TRIM35: variants seen among roughly 807,000 people sequenced by gnomAD.
The protein encoded by TRIM35 is tripartite motif containing 35, also known as E3 ubiquitin-protein ligase TRIM35.
A neutral mutation model predicts 49.1 loss-of-function variants in TRIM35; 37 were observed. The observed-to-expected ratio is 0.75, with a 90% CI of 0.58 to 0.99. The LOEUF is 0.99. Ranked by LOEUF, TRIM35 falls within the 50% of genes least tolerant of loss-of-function variation. The pLI, the probability that TRIM35 is intolerant of heterozygous loss-of-function variation, is 0.00. For missense variants in TRIM35, 648 were observed against 702.7 expected, an observed-to-expected ratio of 0.92 and a Z score of 0.88; for synonymous variants, 302 against 289.3, an observed-to-expected ratio of 1.04 and a Z score of -0.45.
chr8:27,289,130 T>A (rs1443839460), intron 5 of TRIM35, 32 bp downstream of exon 5: 4 of 1,587,408 alleles, frequency 2.5e-6, no homozygotes, highest in Non-Finnish European at 3.5e-6. Flanking sequence ...CTTCCACCCA[T>A]GCTTGGGACA....
At chr8:27,295,703 C>T (rs1802551612) in intron 2 of TRIM35, among the ~76,000 whole-genome samples, 1 of 152,152 alleles carries the variant, frequency 6.6e-6, no homozygotes, top group South Asian at 2.1e-4. Context: ...ACTCAAAGTA[C>T]AGTTTCTACT....
rs757138493 is a variant in TRIM35, at chr8:27,287,624, G to A, written c.1408C>T (p.Arg470Trp). 30 of 1,607,684 alleles carry A rather than the reference G, an allele frequency of 1.9e-5. No individual in the cohort carries two copies. Among genetic ancestry groups the A allele is most frequent in the South Asian group, 1.0e-4 (9 of 89,862 alleles). ...VRPYFYLGGA[R>W]GAGPPEPLRI... ...AAAGGCTCTGGAGGCCCGGCGCCCC[G>A]TGCACCCCCCAGGTAGAAGTAGGGG... Residue 470 changes from arginine to tryptophan, a missense_variant, in exon 6 of 6, where the codon CGG becomes TGG. Physicochemically the swap from Arg to Trp is moderately radical, Grantham distance 101. Transcript: ENST00000305364. The surrounding 1 kb of genome is among the most constrained non-coding windows in gnomAD (Gnocchi z 6.0).
chr8:27,295,369 G>A (rs1802544269), intron 2 of TRIM35, among the ~76,000 whole-genome samples: 1 of 152,170 alleles, frequency 6.6e-6, no homozygotes, highest in South Asian at 2.1e-4. Context: ...CATTCAAAAT[G>A]TGTGCTGTGG....
intron 2 of TRIM35, among the ~76,000 whole-genome samples, chr8:27,294,576 C>G (rs1586047024): frequency 6.6e-6 from 1 of 152,194 alleles, no homozygotes; most frequent in East Asian, 1.9e-4. Flanking sequence ...AACTGTAGTA[C>G]TATAACCTCA....
At chr8:27,293,439 T>C (rs1161076240) in intron 3 of TRIM35, among the ~76,000 whole-genome samples, 1 of 152,168 alleles carries the variant, frequency 6.6e-6, no homozygotes, top group Non-Finnish European at 1.5e-5. Context: ...AGGCATTATA[T>C]TTAAATAAAA....
At chr8:27,309,611 T>G (rs1802861014) in intron 1 of TRIM35, among the ~76,000 whole-genome samples, 1 of 152,186 alleles carries the variant, frequency 6.6e-6, no homozygotes, top group Non-Finnish European at 1.5e-5. Context: ...CTACCCAGTG[T>G]TCTCCCAATT....
intron 1 of TRIM35, among the ~76,000 whole-genome samples, chr8:27,307,508 G>A (rs1018568632): frequency 1.3e-5 from 2 of 152,180 alleles, no homozygotes; most frequent in African/African-American, 4.8e-5. Flanking sequence ...CTGAAACTAT[G>A]TAATTATTAG....
intron 1 of TRIM35, among the ~76,000 whole-genome samples, chr8:27,303,346 CT>C (rs1349760259): frequency 2.0e-5 from 3 of 151,948 alleles, no homozygotes; most frequent in African/African-American, 4.8e-5. Context: ...TCTTCCTTTC[CT>C]TTTTTAAAAT....
chr8:27,288,584 G>A (rs571617305), intron 5 of TRIM35, among the ~76,000 whole-genome samples: 31 of 152,262 alleles, frequency 2.0e-4, no homozygotes, highest in Non-Finnish European at 4.1e-4. Flanking sequence ...GGTTTCAGAG[G>A]GGGCCTGGTC....
At chr8:27,295,769 G>C (rs148229750) in intron 2 of TRIM35, among the ~76,000 whole-genome samples, 352 of 152,292 alleles carry the variant, frequency 2.3e-3, no homozygotes, top group African/African-American at 7.6e-3. Flanking sequence ...GCCAGGGACT[G>C]TGTGTATGTT....
At position 27,311,221 on chromosome 8, in the gene TRIM35, G is replaced by A. The variant is rs550965138; in HGVS notation, c.15C>T (p.Pro5=). The change falls in exon 1 of 6, where the codon CCC becomes CCT. Residue 5 remains proline, a synonymous_variant. Transcript: ENST00000305364. MERS[P]DVSPGPSRSF... is the part of the protein sequence containing the mutation. ...AGCGGGAAGGCCCGGGGGACACGTC[G>A]GGACTCCGCTCCATGGCACGAGCAG... 4 of 1,562,550 alleles carry A rather than the reference G, an allele frequency of 2.6e-6. No homozygotes were observed. Among genetic ancestry groups the A allele is most frequent in the Non-Finnish European group, 3.5e-6 (4 of 1,150,828 alleles).
At position 27,310,801 on chromosome 8, in the gene TRIM35, C is replaced by T. The variant is rs557664219; in HGVS notation, c.435G>A (p.Arg145=). The T allele has an allele frequency of 1.3e-6, 2 of 1,583,068 alleles. No homozygotes were observed. Among genetic ancestry groups the T allele is most frequent in the Non-Finnish European group, 1.7e-6 (2 of 1,159,738 alleles). Residue 145 remains arginine, a splice_region_variant and synonymous_variant, in exon 1 of 6, where the codon CGG becomes CGA. Transcript: ENST00000305364. ...QPVKDTAHDF[R]AKCRNMEHAL... is the part of the protein sequence containing the mutation. ...GCCTCGTGCAAATCGCTGCTCTTAC[C>T]CGAAAGTCGTGGGCAGTGTCCTTCA...
intron 1 of TRIM35, among the ~76,000 whole-genome samples, chr8:27,307,367 C>T (rs1202845925): frequency 5.3e-5 from 8 of 152,058 alleles, no homozygotes; most frequent in Non-Finnish European, 1.2e-4. Context: ...CACTGCTCGC[C>T]GCCCCTCAAT....
chr8:27,296,430 T>C (rs1297535624), intron 2 of TRIM35, among the ~76,000 whole-genome samples: 1 of 152,214 alleles, frequency 6.6e-6, no homozygotes, highest in Non-Finnish European at 1.5e-5. Context: ...ACGGCCTCAC[T>C]GTAAAGGAAC....
At position 27,285,994 on chromosome 8, in the gene TRIM35, C is replaced by A; in HGVS notation, c.*1556G>T. 2.4e-6 allele frequency: 1 copy of A among 420,978 alleles called. No individual in the cohort carries two copies. 26.1% of individuals were successfully genotyped at this position (420,978 alleles called of 1,614,324 possible). Reference sequence around the variant, plus strand: ...CTTGTGGCCTTAAGTTTTATCTAACCAGTGTACACAACATATTTATAACCA... The same window carrying A: ...CTTGTGGCCTTAAGTTTTATCTAACAAGTGTACACAACATATTTATAACCA... On this transcript the variant is annotated 3_prime_UTR_variant, in exon 6 of 6. Transcript: ENST00000305364.
chr8:27,298,704 G>A, intron 1 of TRIM35, 145 bp from the exon 2 acceptor site: 1 of 682,592 alleles, frequency 1.5e-6, no homozygotes. Flanking sequence ...TCCATGCCAA[G>A]TGCTCTGGGC....
chr8:27,289,124 C>T lies in TRIM35; in HGVS notation c.904+38G>A. 6 of 1,564,056 alleles carry T rather than the reference C, an allele frequency of 3.8e-6. No homozygotes were observed. In the South Asian group the frequency reaches 5.6e-5, roughly 15 times the overall value. On this transcript the variant is annotated intron_variant, in intron 5 of 5. Coordinates refer to ENST00000305364, the MANE Select transcript of TRIM35 (RefSeq NM_171982.5). ...CCTCTTTGCTAACATGAAGGGCTTC[C>T]ACCCATGCTTGGGACACCTGCCGGC...
intron 1 of TRIM35, among the ~76,000 whole-genome samples, chr8:27,307,963 C>A (rs188409836): frequency 5.8e-4 from 89 of 152,234 alleles, no homozygotes; most frequent in Non-Finnish European, 1.1e-3. Context: ...TCCTGGATTA[C>A]CTGGGTGGGC....
chr8:27,293,244 G>C, intron 3 of TRIM35, among the ~76,000 whole-genome samples: 1 of 151,696 alleles, frequency 6.6e-6, no homozygotes, highest in East Asian at 1.9e-4. Flanking sequence ...AGGTACAAGA[G>C]ACACCTCACC....
Sources: allele counts gnomAD v4.1 joint callset (sites outside exome capture counted in the v4.1 genomes callset), GRCh38; gene constraint gnomAD v4.1.1; non-coding constraint Gnocchi (gnomAD v3.1); transcripts MANE v1.5; gene names NCBI Gene and HGNC (gene_info 2026-07-23, HGNC 2026-07-21).